CNTNAP2: variants seen among roughly 807,000 people sequenced by gnomAD.
The protein encoded by CNTNAP2 is contactin-associated protein-like 2.
Under a neutral mutation model 155.2 loss-of-function variants are expected in CNTNAP2, and 98 were observed. The ratio of observed to expected loss-of-function variants is 0.63; its 90% CI spans 0.54 to 0.75. CNTNAP2 has a LOEUF of 0.75. Ranked by LOEUF, CNTNAP2 falls within the 30% of genes least tolerant of loss-of-function variation. The pLI is 0.00. For synonymous variants in CNTNAP2, 651 were observed against 631.2 expected (o/e 1.03, Z -0.47); for missense variants, 1,727 against 1,688.1 (o/e 1.02, Z -0.40).
chr7:147,907,785 C>A (rs935257714), intron 14 of CNTNAP2, among the ~76,000 whole-genome samples: 2 of 149,374 alleles, frequency 1.3e-5, no homozygotes, highest in Non-Finnish European at 3.0e-5. Context: ...AATTTATTTT[C>A]TTTATTTATT....
chr7:146,720,969 A>C (rs1465989553), intron 1 of CNTNAP2, among the ~76,000 whole-genome samples: 23 of 123,170 alleles, frequency 1.9e-4, no homozygotes, highest in African/African-American at 7.5e-4. Context: ...TATACAGTAT[A>C]TATATAGACT....
chr7:148,287,787 CTTTTTTTCTTTTTTT>C (rs1797108557), intron 21 of CNTNAP2, among the ~76,000 whole-genome samples: 1 of 64,906 alleles, frequency 1.5e-5, no homozygotes, highest in East Asian at 5.7e-4. Context: ...TTCTTTCTTT[CTTTTTTTCTTTTTTT>C]TTTTTTGAAT....
intron 13 of CNTNAP2, among the ~76,000 whole-genome samples, chr7:147,891,395 G>A (rs1484683242): frequency 6.6e-6 from 1 of 151,984 alleles, no homozygotes; most frequent in Non-Finnish European, 1.5e-5. Flanking sequence ...AGTAGAGACG[G>A]GGTTTCACCA....
intron 21 of CNTNAP2, among the ~76,000 whole-genome samples, chr7:148,301,304 A>AT (rs533956682): frequency 0.12 from 3,561 of 30,118 alleles, 89 homozygotes; most frequent in South Asian, 0.24. Flanking sequence ...AAAAAAAAAA[A>AT]AAATATATAT....
intron 18 of CNTNAP2, among the ~76,000 whole-genome samples, chr7:148,174,772 C>T (rs1231513971): frequency 1.3e-5 from 2 of 152,104 alleles, no homozygotes; most frequent in African/African-American, 2.4e-5. Context: ...TTAAGTTCTG[C>T]GATACATGTG....
At chr7:146,353,200 G>C (rs1008081382) in intron 1 of CNTNAP2, among the ~76,000 whole-genome samples, 2 of 151,988 alleles carry the variant, frequency 1.3e-5, no homozygotes, top group African/African-American at 4.8e-5. Flanking sequence ...AACTATTCTT[G>C]TCAATGCCGT....
intron 11 of CNTNAP2, among the ~76,000 whole-genome samples, chr7:147,493,125 T>C (rs1798638466): frequency 6.6e-6 from 1 of 152,198 alleles, no homozygotes; most frequent in African/African-American, 2.4e-5. Flanking sequence ...ATCCGTATAC[T>C]CTTCATTCGG....
chr7:147,003,273 T>G (rs187142846), intron 3 of CNTNAP2, among the ~76,000 whole-genome samples: 432 of 152,064 alleles, frequency 2.8e-3, no homozygotes, highest in Non-Finnish European at 4.9e-3. Flanking sequence ...GATTACATTA[T>G]GTGATTGATC....
At chr7:146,985,391 C>G (rs564054918) in intron 3 of CNTNAP2, among the ~76,000 whole-genome samples, 1 of 147,082 alleles carries the variant, frequency 6.8e-6, no homozygotes, top group African/African-American at 2.5e-5. Flanking sequence ...AGTCTCGGCT[C>G]ACTGCAAGCT....
At chr7:146,281,739 G>A (rs939961102) in intron 1 of CNTNAP2, among the ~76,000 whole-genome samples, 1 of 151,436 alleles carries the variant, frequency 6.6e-6, no homozygotes, top group Non-Finnish European at 1.5e-5. Context: ...AGGTTGCAGT[G>A]AGCCAAGATC....
chr7:147,291,277 C>T (rs1420851865), intron 8 of CNTNAP2, among the ~76,000 whole-genome samples: 5 of 152,054 alleles, frequency 3.3e-5, no homozygotes, highest in Non-Finnish European at 4.4e-5. Context: ...AGGTTTTAAG[C>T]CCCACATGCA....
chr7:148,371,424 G>A (rs926526176), intron 21 of CNTNAP2, among the ~76,000 whole-genome samples: 4 of 152,166 alleles, frequency 2.6e-5, no homozygotes, highest in Non-Finnish European at 5.9e-5. Context: ...GCCTCTCGGA[G>A]TCCCTTTGGC....
intron 22 of CNTNAP2, among the ~76,000 whole-genome samples, chr7:148,395,876 G>GT (rs200574339): frequency 2.6e-5 from 4 of 152,274 alleles, no homozygotes; most frequent in East Asian, 3.9e-4. Context: ...CAAGGTCATT[G>GT]TTTTTTCCCC....
At chr7:146,673,933 G>A (rs1041905886) in intron 1 of CNTNAP2, among the ~76,000 whole-genome samples, 2 of 152,164 alleles carry the variant, frequency 1.3e-5, no homozygotes, top group East Asian at 3.9e-4. Context: ...GCCAGTCAGA[G>A]TGTGTCCTAC....
chr7:148,342,304 G>A (rs911236812), intron 21 of CNTNAP2, among the ~76,000 whole-genome samples: 2 of 152,084 alleles, frequency 1.3e-5, no homozygotes, highest in Admixed American at 1.3e-4. Context: ...AACTGGCCTC[G>A]AATTTATTTC....
At chr7:146,212,192 A>G (rs529533646) in intron 1 of CNTNAP2, among the ~76,000 whole-genome samples, 2 of 152,298 alleles carry the variant, frequency 1.3e-5, no homozygotes, top group Non-Finnish European at 2.9e-5. Flanking sequence ...GAAACAATTA[A>G]TCACTGGGGG....
intron 13 of CNTNAP2, among the ~76,000 whole-genome samples, chr7:147,896,694 G>A (rs1161639605): frequency 6.6e-6 from 1 of 152,128 alleles, no homozygotes; most frequent in Non-Finnish European, 1.5e-5. Context: ...AATATCTCAA[G>A]CACTGATTTT....
At chr7:148,403,507 C>T (rs755222035) in intron 22 of CNTNAP2, among the ~76,000 whole-genome samples, 14 of 152,134 alleles carry the variant, frequency 9.2e-5, no homozygotes, top group Non-Finnish European at 1.6e-4. Flanking sequence ...TAAATTAACA[C>T]GCCAAATTTG....
At chr7:147,826,763 T>A (rs957859698) in intron 13 of CNTNAP2, among the ~76,000 whole-genome samples, 9 of 152,094 alleles carry the variant, frequency 5.9e-5, no homozygotes, top group Non-Finnish European at 1.3e-4. Flanking sequence ...AAAATATGTG[T>A]AAAAAATGCA....
Sources: gnomAD v4.1 joint callset for allele counts (sites outside exome capture counted in the v4.1 genomes callset) on GRCh38, gnomAD v4.1.1 for gene constraint, MANE v1.5 for transcripts, NCBI Gene and HGNC (gene_info 2026-07-23, HGNC 2026-07-21) for gene names.